Variants in TTF1 observed in about 807,000 individuals in gnomAD.
TTF1 encodes transcription termination factor, RNA polymerase I.
TTF1 carries 64 observed loss-of-function variants against 80.2 expected under a neutral mutation model. The ratio of observed to expected loss-of-function variants is 0.80; its 90% confidence interval spans 0.65 to 0.98. The LOEUF is 0.98. Ranked by LOEUF, TTF1 falls within the 50% of genes least tolerant of loss-of-function variation. The pLI is 0.00. For synonymous variants in TTF1, 372 were observed against 382.7 expected (o/e 0.97, Z 0.33); for missense variants, 1,023 against 1,086.2 (o/e 0.94, Z 0.82).
chr9:132,379,891 A>T (rs1234505890), intron 9 of TTF1, among the ~76,000 whole-genome samples: 1 of 152,184 alleles, frequency 6.6e-6, no homozygotes, highest in East Asian at 1.9e-4. Context: ...TTTTCCTAAT[A>T]AAAGGGGAAC....
chr9:132,383,485 C>T (rs997354071), intron 9 of TTF1, among the ~76,000 whole-genome samples: 2 of 152,090 alleles, frequency 1.3e-5, no homozygotes, highest in Non-Finnish European at 2.9e-5. Context: ...TGGGAAAAAC[C>T]GTATTCCCTT....
chr9:132,404,524 TTCTCTCTCA>T (rs1005302171), intron 1 of TTF1, among the ~76,000 whole-genome samples: 28 of 151,900 alleles, frequency 1.8e-4, no homozygotes, highest in African/African-American at 6.0e-4. Context: ...TCTCCGTATC[TTCTCTCTCA>T]TCTCTCTCCT....
At position 132,398,146 on chromosome 9, in the gene TTF1, T is replaced by G; in HGVS notation, c.1772A>C (p.His591Pro). ...GTGATTGTTTCTAAACTTACCAATGTGTAATCTAAACGAGTATCTCCTTTT... is the reference window on the plus strand; with the variant it reads ...GTGATTGTTTCTAAACTTACCAATGGGTAATCTAAACGAGTATCTCCTTTT... ...NLKRRYSFRLHIGRNIARPWK... is the reference protein window; with the variant it reads ...NLKRRYSFRLPIGRNIARPWK... Residue 591 changes from histidine to proline, a missense_variant, in exon 4 of 11, where the codon CAC becomes CCC. Coordinates refer to ENST00000334270, the MANE Select transcript of TTF1 (RefSeq NM_007344.4). The G allele has an allele frequency of 1.3e-6, 2 of 1,580,240 alleles. No homozygotes were observed. Among genetic ancestry groups the G allele is most frequent in the Non-Finnish European group, 1.7e-6 (2 of 1,169,416 alleles).
chr9:132,386,620 A>G lies in TTF1; in HGVS notation c.2314T>C (p.Leu772=). The G allele has an allele frequency of 6.2e-7, 1 of 1,608,886 alleles. No individual in the cohort carries two copies. The highest frequency in any genetic ancestry group is 8.5e-7 in the Non-Finnish European group (1 of 1,176,310). ...GTATCTTCCACATTTATTTCATACAACCTGTGAGAAAAAATAAAAATTAAA... is the reference window on the plus strand; with the variant it reads ...GTATCTTCCACATTTATTTCATACAGCCTGTGAGAAAAAATAAAAATTAAA... ...LRAKVSLIER[L]YEINVEDTNE... is the part of the protein sequence containing the mutation. The change falls in exon 9 of 11, where the codon TTG becomes CTG. Residue 772 remains leucine (L), a splice_region_variant and synonymous_variant. Transcript: ENST00000334270.
chr9:132,397,400 C>T (rs952739527), intron 4 of TTF1, among the ~76,000 whole-genome samples: 5 of 152,184 alleles, frequency 3.3e-5, no homozygotes, highest in Non-Finnish European at 1.5e-5. Context: ...TTTGCTTTCG[C>T]TCTGATCCCA....
chr9:132,401,814 C>A lies in TTF1; in HGVS notation c.1008G>T (p.Lys336Asn), dbSNP rs750813779. 5.0e-6 allele frequency: 8 copies of A among 1,613,794 alleles called. No homozygotes were observed. The South Asian group carries it at 6.6e-5, about 13-fold the overall frequency. The change falls in exon 2 of 11, where the codon AAG (lysine) becomes AAT (asparagine). Residue 336 changes from lysine (K) to asparagine (N), a missense_variant. Coordinates refer to ENST00000334270, the MANE Select transcript of TTF1 (RefSeq NM_007344.4). Reference sequence around the variant, plus strand: ...CAAATTCCTGGTGATTGGACTTTTTCTTTTTTTTCTTAGACTTGTTTTTAT... The same window carrying A: ...CAAATTCCTGGTGATTGGACTTTTTATTTTTTTTCTTAGACTTGTTTTTAT... ...PAYKNKSKKK[K>N]KKSNHQEFEA...
intron 8 of TTF1, among the ~76,000 whole-genome samples, chr9:132,387,729 ACAAAAC>A (rs541188129): frequency 4.4e-4 from 67 of 152,296 alleles, no homozygotes; most frequent in African/African-American, 1.5e-3. Flanking sequence ...GAACTCAAAG[ACAAAAC>A]CAAAGACAAG....
At chr9:132,392,300 T>C (rs1283008673) in intron 5 of TTF1, 94 bp from the exon 6 acceptor site, 25 of 1,472,468 alleles carry the variant, frequency 1.7e-5, no homozygotes, top group Non-Finnish European at 2.3e-5. Flanking sequence ...TGGGGAAAGC[T>C]GAATGGGGCA....
chr9:132,391,477 A>G (rs146692516), intron 6 of TTF1, among the ~76,000 whole-genome samples: 65 of 152,278 alleles, frequency 4.3e-4, no homozygotes, highest in African/African-American at 1.5e-3. Flanking sequence ...AGATTTCCAA[A>G]AAAGAAAAAA....
At chr9:132,383,065 CAAA>C (rs61237895) in intron 9 of TTF1, among the ~76,000 whole-genome samples, 8 of 148,082 alleles carry the variant, frequency 5.4e-5, no homozygotes, top group Admixed American at 1.3e-4. Flanking sequence ...AAATCCGTCT[CAAA>C]AAAAAAAAAA....
chr9:132,397,753 G>A lies in TTF1; in HGVS notation c.1777+388C>T, dbSNP rs191567534. On this transcript the variant is annotated intron_variant, in intron 4 of 10. Transcript: ENST00000334270. ...TGTAATCCCAGCACTTTGGGAGGCC[G>A]AGGCAGGCGGATCACGAGGTCAGGA... is the stretch of plus-strand genomic sequence containing the variant. Among the ~76,000 whole-genome samples the A allele has an allele frequency of 9.9e-3, 1,503 of 152,254 alleles. 28 individuals are homozygous for A. Among genetic ancestry groups the A allele is most frequent in the African/African-American group, 0.035 (1,438 of 41,540 alleles).
intron 9 of TTF1, among the ~76,000 whole-genome samples, chr9:132,383,703 T>G (rs1009531039): frequency 6.6e-6 from 1 of 152,180 alleles, no homozygotes; most frequent in Non-Finnish European, 1.5e-5. Context: ...TCTGATTTAT[T>G]TGGTCCAGAG....
At chr9:132,377,377 TGTGTGAGTGCATGTG>T (rs1180000010) in intron 10 of TTF1, among the ~76,000 whole-genome samples, 14 of 125,088 alleles carry the variant, frequency 1.1e-4, no homozygotes, top group Admixed American at 3.2e-4. Context: ...GCATGTGGTG[TGTGTGAGTGCATGTG>T]GTGTGAGTGC....
At chr9:132,395,802 C>A (rs902531164) in intron 5 of TTF1, among the ~76,000 whole-genome samples, 2 of 152,186 alleles carry the variant, frequency 1.3e-5, no homozygotes, top group African/African-American at 2.4e-5. Context: ...TTTCGGGGGC[C>A]GTGGAATCCG....
chr9:132,392,355 C>T (rs951185700), intron 5 of TTF1, 149 bp from the exon 6 acceptor site: 5 of 906,164 alleles, frequency 5.5e-6, no homozygotes, highest in African/African-American at 1.7e-5. Flanking sequence ...TTCCTGTTGG[C>T]GTCTCACTGG....
At chr9:132,386,751 T>C in intron 8 of TTF1, 130 bp from the exon 9 acceptor site, 1 of 696,342 alleles carries the variant, frequency 1.4e-6, no homozygotes, top group Non-Finnish European at 2.5e-6. Context: ...TCGTTACACA[T>C]GCACAGTGAG....
In TTF1 at chr9:132,377,303, G is replaced by GGTGTGAGTGCATGTGGTGTGT. The variant is rs1849208953; in HGVS notation, c.2465-1156_2465-1136dup. On this transcript the variant is annotated intron_variant, in intron 10 of 10. Transcript: ENST00000334270. ...GCATGTGGTGCATGTGAATGCATGT[G>GGTGTGAGTGCATGTGGTGTGT]GTGTGAGTGCATGTGGTGTGTGTGT... Among the ~76,000 whole-genome samples, 5 of 130,286 alleles carry GGTGTGAGTGCATGTGGTGTGT rather than the reference G, an allele frequency of 3.8e-5. No individual in the cohort carries two copies. The South Asian group carries it at 1.4e-3, about 35-fold the overall frequency. The allele number at this position is 130,286 out of a possible 152,430, so 85.5% of individuals were successfully genotyped here.
intron 5 of TTF1, among the ~76,000 whole-genome samples, chr9:132,393,343 G>A (rs1432939788): frequency 2.0e-5 from 3 of 151,396 alleles, no homozygotes; most frequent in East Asian, 1.9e-4. Flanking sequence ...TAATGCTCAC[G>A]CTGGAAGGTT....
rs1849570693 is a variant in TTF1 at position 132,392,115 on chromosome 9, T to TACTTCGGGCCACC, written c.1935_1947dup (p.Ser650GlyfsTer5). The TACTTCGGGCCACC allele has an allele frequency of 1.9e-6, 3 of 1,614,014 alleles. No homozygotes were observed. In the African/African-American group the frequency reaches 4.0e-5, roughly 22 times the overall value. On this transcript the variant is annotated frameshift_variant, in exon 6 of 11. Coordinates refer to ENST00000334270, the MANE Select transcript of TTF1 (RefSeq NM_007344.4). LOFTEE classifies it high-confidence loss of function. The stretch of plus-strand genomic sequence containing the variant: ...GAGAACTTGAGGGCCACGGAGAGGC[T>TACTTCGGGCCACC]ACTTCGGGCCACCATCTCACCAATC...
Sources: gnomAD v4.1 joint callset for allele counts (sites outside exome capture counted in the v4.1 genomes callset) on GRCh38, gnomAD v4.1.1 for gene constraint, MANE v1.5 for transcripts, NCBI Gene and HGNC (gene_info 2026-07-23, HGNC 2026-07-21) for gene names.